Variants in SLC43A3 observed in about 807,000 individuals in gnomAD.
The protein encoded by SLC43A3 is solute carrier family 43 member 3.
SLC43A3 carries 33 observed loss-of-function variants against 53.3 expected under a neutral mutation model. That is an observed-to-expected ratio of 0.62 (90% confidence interval 0.47 to 0.83). The LOEUF (loss-of-function observed/expected upper bound fraction) is 0.83. Among genes scored for constraint, SLC43A3 ranks in the 40% least tolerant of loss-of-function variants. The pLI, the probability that SLC43A3 is intolerant of heterozygous loss-of-function variation, is 0.00. For missense variants in SLC43A3, 530 were observed against 610.0 expected (o/e 0.87, Z 1.38); for synonymous variants, 236 against 246.2 (o/e 0.96, Z 0.39).
chr11:57,414,582 C>G, intron 11 of SLC43A3, 33 bp downstream of exon 11: 1 of 1,329,316 alleles, frequency 7.5e-7, no homozygotes. Context: ...TTCCTGGTTC[C>G]CTGACCAGCC....
Position 57,426,146 on chromosome 11 carries a change from G to A in SLC43A3, c.27C>T (p.His9=), listed in dbSNP as rs1590715454. Residue 9 remains histidine (H), a synonymous_variant, in exon 3 of 14, where the codon CAC becomes CAT. Coordinates refer to ENST00000395124, the MANE Select transcript of SLC43A3 (RefSeq NM_199329.3). ...GCAGCCCAGTCAGCAGTGTGGCCAC[G>A]TGCAGGGGCAGGCCCTGGCCCGCCA... MAGQGLPL[H]VATLLTGLLE... 3 of 1,614,030 alleles carry A rather than the reference G, an allele frequency of 1.9e-6. No individual in the cohort carries two copies. The Admixed American group carries it at 5.0e-5, about 27-fold the overall frequency.
intron 5 of SLC43A3, among the ~76,000 whole-genome samples, chr11:57,423,421 G>GT (rs754744212): frequency 6.6e-6 from 1 of 151,940 alleles, no homozygotes; most frequent in Non-Finnish European, 1.5e-5. Context: ...TTGTTGTTTT[G>GT]TTTTTTAGGG....
intron 11 of SLC43A3, among the ~76,000 whole-genome samples, chr11:57,411,501 A>G (rs923767242): frequency 1.4e-5 from 2 of 148,046 alleles, no homozygotes; most frequent in African/African-American, 5.1e-5. Context: ...AAAAAAAAAA[A>G]AAAATTATTT....
At chr11:57,426,417 G>C in intron 2 of SLC43A3, 65 bp from the exon 3 acceptor site, 1 of 538,350 alleles carries the variant, frequency 1.9e-6, no homozygotes, top group Non-Finnish European at 3.3e-6. Context: ...GTAGACTAGA[G>C]TTATTTGTGA....
At position 57,407,707 on chromosome 11, in the gene SLC43A3, CA is replaced by C. The variant is rs1942265256; in HGVS notation, c.*84del. On this transcript the variant is annotated 3_prime_UTR_variant, in exon 14 of 14. Transcript: ENST00000395124. ...TGTGTGTGTGTTTTGCTGGGATAGG[CA>C]AAGTCTTTTGGGACACGAGGTCCTC... is the stretch of plus-strand genomic sequence containing the variant. 1.3e-6 allele frequency: 1 copy of C among 754,230 alleles called. No individual in the cohort carries two copies. Among genetic ancestry groups the C allele is most frequent in the Admixed American group, 2.1e-5 (1 of 47,210 alleles). 46.7% of individuals were successfully genotyped at this position (754,230 alleles called of 1,614,324 possible).
intron 7 of SLC43A3, among the ~76,000 whole-genome samples, chr11:57,419,607 G>A (rs1166983717): frequency 1.3e-5 from 2 of 152,048 alleles, no homozygotes; most frequent in East Asian, 1.9e-4. Flanking sequence ...AGACCAGCCT[G>A]GCCAACATGG....
At position 57,415,070 on chromosome 11, in the gene SLC43A3, G is replaced by A. The variant is rs1489756922; in HGVS notation, c.806C>T (p.Ser269Phe). The change falls in exon 10 of 14, where the codon TCC becomes TTC. Residue 269 changes from serine (S) to phenylalanine (F), a missense_variant. Transcript: ENST00000395124. ...CCGAGAGAAAGCGTAGCTCCAGAAGGAGCGGAGTTCCTGCTTCTGCCCTGC... is the reference window on the plus strand; with the variant it reads ...CCGAGAGAAAGCGTAGCTCCAGAAGAAGCGGAGTTCCTGCTTCTGCCCTGC... ...PGAGQKQELR[S>F]FWSYAFSRRF... is the part of the protein sequence containing the mutation. 3 of 1,613,748 alleles carry A rather than the reference G, an allele frequency of 1.9e-6. No homozygotes were observed. The Admixed American group carries it at 5.0e-5, about 27-fold the overall frequency.
At chr11:57,416,531 G>T in intron 9 of SLC43A3, 42 bp downstream of exon 9, 1 of 1,511,264 alleles carries the variant, frequency 6.6e-7, no homozygotes, top group Non-Finnish European at 9.2e-7. Flanking sequence ...ACAAGGAGAG[G>T]CTTGGGTCTG....
intron 13 of SLC43A3, 53 bp from the exon 14 acceptor site, chr11:57,407,949 T>A (rs934233615): frequency 1.2e-5 from 15 of 1,219,310 alleles, no homozygotes; most frequent in Non-Finnish European, 1.7e-5. Context: ...ACAACAGAAC[T>A]GTTGCTCAAT....
chr11:57,420,488 C>T (rs920915044), intron 7 of SLC43A3, among the ~76,000 whole-genome samples: 2 of 152,150 alleles, frequency 1.3e-5, no homozygotes, highest in Non-Finnish European at 2.9e-5. Context: ...TGTTGATTGA[C>T]CTCTAATAGC....
intron 7 of SLC43A3, among the ~76,000 whole-genome samples, chr11:57,418,676 G>A (rs1281644959): frequency 6.6e-6 from 1 of 152,082 alleles, no homozygotes; most frequent in Non-Finnish European, 1.5e-5. Context: ...GATCACCTGA[G>A]GCCAGGAGTT....
rs573981566 is a variant in SLC43A3, at chr11:57,409,250, C to T, written c.1296G>A (p.Leu432=). 11 of 1,614,200 alleles carry T rather than the reference C, an allele frequency of 6.8e-6. No individual in the cohort carries two copies. The South Asian group carries it at 1.2e-4, about 18-fold the overall frequency. The change falls in exon 13 of 14, where the codon TTG becomes TTA. Residue 432 remains leucine, a synonymous_variant. Coordinates refer to ENST00000395124, the MANE Select transcript of SLC43A3 (RefSeq NM_199329.3). ...ACTGGAGCAGAGACACCACAGCCGA[C>T]AAGGCCATCACCAGCCCAAAGAGCT... ...FGKLFGLVMA[L]SAVVSLLQFP...
At chr11:57,413,061 CAAA>C (rs1190635755) in intron 11 of SLC43A3, among the ~76,000 whole-genome samples, 8 of 76,250 alleles carry the variant, frequency 1.0e-4, no homozygotes, top group Admixed American at 1.5e-4. Context: ...TTATTCACGG[CAAA>C]AAAAAAAAAA....
At chr11:57,408,563 T>G (rs1273858551) in intron 13 of SLC43A3, 1 of 153,652 alleles carries the variant, frequency 6.5e-6, no homozygotes, top group African/African-American at 2.4e-5. Flanking sequence ...CAAGATCGTG[T>G]CTCCAAAACA....
intron 11 of SLC43A3, 75 bp downstream of exon 11, chr11:57,414,540 A>T: frequency 1.5e-5 from 9 of 590,192 alleles, no homozygotes; most frequent in East Asian, 7.0e-5. Context: ...AAAGAGCGAG[A>T]GAAGATGTCA....
At chr11:57,422,678 C>T (rs1423520425) in intron 5 of SLC43A3, among the ~76,000 whole-genome samples, 1 of 152,132 alleles carries the variant, frequency 6.6e-6, no homozygotes, top group African/African-American at 2.4e-5. Context: ...TTTTTCAAAA[C>T]TGAAAAGCCC....
chr11:57,425,942 G>A (rs1349259451), intron 3 of SLC43A3, 47 bp downstream of exon 3: 1 of 1,577,156 alleles, frequency 6.3e-7, no homozygotes, highest in East Asian at 2.2e-5. Flanking sequence ...TTGCCACCAC[G>A]TGGGAGCCAG....
chr11:57,410,500 G>A (rs1942401077), intron 11 of SLC43A3, among the ~76,000 whole-genome samples: 2 of 152,024 alleles, frequency 1.3e-5, no homozygotes, highest in Admixed American at 6.6e-5. Flanking sequence ...CAAAAGACTG[G>A]AAACAATCCA....
In SLC43A3 at chr11:57,426,235, T is replaced by G. The variant is rs1407267368; in HGVS notation, c.-63A>C. 6.6e-7 allele frequency: 1 copy of G among 1,524,428 alleles called. No individual in the cohort carries two copies. Among genetic ancestry groups the G allele is most frequent in the East Asian group, 2.3e-5 (1 of 44,212 alleles). The allele number at this position is 1,524,428 out of a possible 1,614,324, so 94.4% of individuals were successfully genotyped here. A position where few individuals can be genotyped will look rare whatever the true frequency, so the allele number is the denominator to read the frequency against. ...CCTCCTGGACGGATCACAGGCGCCG[T>G]AAGCCTGGCGTTTGAGCACTTGGAA... On this transcript the variant is annotated 5_prime_UTR_variant, in exon 3 of 14. Transcript: ENST00000395124.
Sources: allele counts gnomAD v4.1 joint callset (sites outside exome capture counted in the v4.1 genomes callset), GRCh38; gene constraint gnomAD v4.1.1; transcripts MANE v1.5; gene names NCBI Gene and HGNC (gene_info 2026-07-23, HGNC 2026-07-21).